Variants in NXPE4 observed in about 807,000 individuals in gnomAD.
The protein encoded by NXPE4 is neurexophilin and PC-esterase domain family member 4, also known as NXPE family member 4.
In NXPE4, 42 loss-of-function variants were observed where a neutral mutation model predicts 33.3. The ratio of observed to expected loss-of-function variants is 1.26; its 90% CI spans 0.98 to 1.63. The LOEUF (loss-of-function observed/expected upper bound fraction) is 1.63, where lower values mean the gene tolerates loss of function less well. NXPE4 is among the 40% of genes most tolerant of loss of function. The pLI, the probability that NXPE4 is intolerant of heterozygous loss-of-function variation, is 0.00. For missense variants in NXPE4, 709 were observed against 647.6 expected, an observed-to-expected ratio of 1.09 and a Z score of -1.03; for synonymous variants, 253 against 234.9, an observed-to-expected ratio of 1.08 and a Z score of -0.71.
chr11:114,619,920 A>G, the NXPE4 span, among the ~76,000 whole-genome samples: 1 of 147,860 alleles, frequency 6.8e-6, no homozygotes, highest in African/African-American at 2.5e-5. Flanking sequence ...GTGTTACCTC[A>G]TGGGTAACCA....
intron 5 of NXPE4, among the ~76,000 whole-genome samples, chr11:114,579,338 G>C (rs1949084587): frequency 6.6e-6 from 1 of 152,200 alleles, no homozygotes; most frequent in South Asian, 2.1e-4. Flanking sequence ...CTCCAGTGTT[G>C]GAGATCATGT....
Position 114,582,893 on chromosome 11 carries a change from G to A in NXPE4, c.225C>T (p.Ile75=), listed in dbSNP as rs1565333719. 1.9e-6 allele frequency: 3 copies of A among 1,614,136 alleles called. No individual in the cohort carries two copies. Among genetic ancestry groups the A allele is most frequent in the Non-Finnish European group, 8.5e-7 (1 of 1,180,008 alleles). The change falls in exon 3 of 6, where the codon ATC becomes ATT. Residue 75 remains isoleucine, a synonymous_variant. Transcript: ENST00000375478. ...GGATCTGCTGATCTAGTTTCTCTAT[G>A]ATTTCCTTTATTCTGAGTTCAGTCT... The part of the protein sequence containing the change: ...LTETELRIKE[I]IEKLDQQIPP...
the NXPE4 span, among the ~76,000 whole-genome samples, chr11:114,633,800 T>A: frequency 6.6e-6 from 1 of 151,980 alleles, no homozygotes; most frequent in Non-Finnish European, 1.5e-5. Flanking sequence ...GAACTCACCA[T>A]TTTTTATGGC....
At chr11:114,605,314 CT>C in the NXPE4 span, among the ~76,000 whole-genome samples, 1 of 150,222 alleles carries the variant, frequency 6.7e-6, no homozygotes, top group Non-Finnish European at 1.5e-5. Context: ...GGTAACCACT[CT>C]TACCTGGTGG....
At position 114,582,681 on chromosome 11, in the gene NXPE4, G is replaced by A. The variant is rs200548586; in HGVS notation, c.437C>T (p.Ala146Val). The stretch of plus-strand genomic sequence containing the variant: ...CTTTCCTGAAGCACCTGCCATCAGC[G>A]CTGGGGAAGACATCCTGGCCCTCAG... ...DFLRARMSSP[A>V]LMAGASGKVT... The change falls in exon 3 of 6, where the codon GCG becomes GTG. Residue 146 changes from alanine (A) to valine (V), a missense_variant. Ala to Val is a moderately conservative substitution (Grantham distance 64). Transcript: ENST00000375478. 7.2e-5 allele frequency: 117 copies of A among 1,614,124 alleles called. No homozygotes were observed. The highest frequency in any genetic ancestry group is 1.9e-4 in the African/African-American group (14 of 75,046).
intron 2 of NXPE4, among the ~76,000 whole-genome samples, chr11:114,586,069 T>C (rs1419564670): frequency 6.6e-6 from 1 of 152,218 alleles, no homozygotes; most frequent in Non-Finnish European, 1.5e-5. Context: ...TTGTGTGCTA[T>C]GCAAATGTTA....
chr11:114,651,954 G>A, the NXPE4 span, among the ~76,000 whole-genome samples: 1 of 152,214 alleles, frequency 6.6e-6, no homozygotes, highest in Non-Finnish European at 1.5e-5. Context: ...TTAGGGTGCT[G>A]TTAGGTTCAC....
At chr11:114,594,624 A>T (rs750128672) in intron 2 of NXPE4, 40 bp downstream of exon 2, 1 of 1,344,294 alleles carries the variant, frequency 7.4e-7, no homozygotes, top group South Asian at 1.2e-5. Context: ...AATAAGCAAA[A>T]ATAAGCTTCT....
intron 2 of NXPE4, among the ~76,000 whole-genome samples, chr11:114,592,800 C>T (rs116726763): frequency 2.0e-5 from 3 of 152,126 alleles, no homozygotes; most frequent in African/African-American, 7.2e-5. Context: ...TTATAGTAAA[C>T]AGTGTTATAC....
At chr11:114,597,635 A>C (rs2135312762), upstream of NXPE4, among the ~76,000 whole-genome samples, 1 of 152,164 alleles carries the variant, frequency 6.6e-6, no homozygotes, top group South Asian at 2.1e-4. Flanking sequence ...TCTCCAGTAA[A>C]GGGAGCCAGA....
the NXPE4 span, among the ~76,000 whole-genome samples, chr11:114,625,987 C>G: frequency 6.6e-6 from 1 of 151,894 alleles, no homozygotes; most frequent in Non-Finnish European, 1.5e-5. Context: ...AAACGGCGCA[C>G]CAGGAGATTA....
At chr11:114,675,033 C>G in the NXPE4 span, among the ~76,000 whole-genome samples, 1 of 151,564 alleles carries the variant, frequency 6.6e-6, no homozygotes, top group Admixed American at 6.6e-5. Flanking sequence ...ATCATATTAA[C>G]AGAATGCAGG....
the NXPE4 span, among the ~76,000 whole-genome samples, chr11:114,673,989 G>T: frequency 6.6e-6 from 1 of 151,720 alleles, no homozygotes; most frequent in South Asian, 2.1e-4. Context: ...ACAGGATAAA[G>T]ACAAAACTAG....
chr11:114,670,336 A>C, the NXPE4 span, among the ~76,000 whole-genome samples: 1 of 152,018 alleles, frequency 6.6e-6, no homozygotes, highest in African/African-American at 2.4e-5. Flanking sequence ...CTTTCTGAGG[A>C]GCAATATCAG....
At chr11:114,661,562 G>A in the NXPE4 span, among the ~76,000 whole-genome samples, 2 of 152,150 alleles carry the variant, frequency 1.3e-5, no homozygotes, top group South Asian at 4.1e-4. Flanking sequence ...GTACCATTTG[G>A]GTTGCTAAGT....
chr11:114,611,449 G>T, the NXPE4 span, among the ~76,000 whole-genome samples: 19 of 151,582 alleles, frequency 1.3e-4, no homozygotes, highest in Non-Finnish European at 2.7e-4. Flanking sequence ...TTACCCAGTG[G>T]ATAATAAGTA....
the NXPE4 span, among the ~76,000 whole-genome samples, chr11:114,668,743 A>G: frequency 6.6e-6 from 1 of 152,124 alleles, no homozygotes; most frequent in Non-Finnish European, 1.5e-5. Context: ...TCTTTAGTGA[A>G]TATTGTAAAT....
the NXPE4 span, among the ~76,000 whole-genome samples, chr11:114,647,638 T>C: frequency 6.6e-6 from 1 of 152,104 alleles, no homozygotes; most frequent in Non-Finnish European, 1.5e-5. Context: ...TTATATATGG[T>C]TATTTATTCT....
chr11:114,616,314 C>G, the NXPE4 span, among the ~76,000 whole-genome samples: 1 of 148,036 alleles, frequency 6.8e-6, no homozygotes, highest in Admixed American at 6.7e-5. Flanking sequence ...TAAGTGTTGT[C>G]TCACGTGTAA....
Sources: allele counts gnomAD v4.1 joint callset (sites outside exome capture counted in the v4.1 genomes callset), GRCh38; gene constraint gnomAD v4.1.1; transcripts MANE v1.5; gene names NCBI Gene and HGNC (gene_info 2026-07-23, HGNC 2026-07-21).